Variants in MSR1 observed in about 807,000 individuals in gnomAD.
MSR1 encodes macrophage scavenger receptor 1.
A neutral mutation model predicts 47.2 loss-of-function variants in MSR1; 53 were observed. The observed-to-expected ratio is 1.12, with a 90% CI of 0.90 to 1.41. The LOEUF is 1.41. Among genes scored for constraint, MSR1 ranks in the 40% most tolerant of loss-of-function variants. MSR1 has a pLI of 0.00. For synonymous variants in MSR1, 239 were observed against 185.6 expected, an observed-to-expected ratio of 1.29 and a Z score of -2.34; for missense variants, 786 against 546.9, an observed-to-expected ratio of 1.44 and a Z score of -4.36.
At chr8:16,178,663 C>T (rs1801733399) in intron 1 of MSR1, among the ~76,000 whole-genome samples, 1 of 152,120 alleles carries the variant, frequency 6.6e-6, no homozygotes, top group Non-Finnish European at 1.5e-5. Flanking sequence ...AGTTCTAAAT[C>T]CCTGAGGAAT....
rs1476867655 is a variant in MSR1, at chr8:16,108,521, T to C, written c.*1564A>G. The C allele has an allele frequency of 6.6e-6, 1 of 152,096 alleles. No homozygotes were observed. Among genetic ancestry groups the C allele is most frequent in the Non-Finnish European group, 1.5e-5 (1 of 67,986 alleles). 9.4% of individuals were successfully genotyped at this position (152,096 alleles called of 1,614,324 possible). On this transcript the variant is annotated 3_prime_UTR_variant, in exon 10 of 10. Transcript: ENST00000262101. ...AATGATTCTTTCAGAAACCATTGTA[T>C]TTACCTTTTGAAGAAAATACCTAGA...
At chr8:16,139,040 T>G (rs1010491072) in intron 8 of MSR1, among the ~76,000 whole-genome samples, 2 of 152,192 alleles carry the variant, frequency 1.3e-5, no homozygotes, top group African/African-American at 4.8e-5. Context: ...CCCTCCGGCG[T>G]GCACTCTGTT....
chr8:16,156,681 T>G (rs1801019985), intron 5 of MSR1, among the ~76,000 whole-genome samples: 1 of 151,794 alleles, frequency 6.6e-6, no homozygotes, highest in Non-Finnish European at 1.5e-5. Flanking sequence ...ATCTTTACCA[T>G]TTCTTTCCTA....
In MSR1 at chr8:16,168,687, T is replaced by TACA. The variant is rs1801392196; in HGVS notation, c.400_401insTGT (p.Asn134delinsMetTyr). The TACA allele has an allele frequency of 1.2e-6, 2 of 1,614,058 alleles. No individual in the cohort carries two copies. The highest frequency in any genetic ancestry group is 1.7e-5 in the Admixed American group (1 of 60,006). ...TTGGAAATGCTCTGTGTCCATGAGG[T>TACA]TGGCTTCCATGTCTAAAATATGCTG... On this transcript the variant is annotated protein_altering_variant, in exon 4 of 10. Coordinates refer to ENST00000262101, the MANE Select transcript of MSR1 (RefSeq NM_138715.3).
chr8:16,119,761 G>A (rs931178254), intron 9 of MSR1, among the ~76,000 whole-genome samples: 1 of 151,918 alleles, frequency 6.6e-6, no homozygotes, highest in African/African-American at 2.4e-5. Flanking sequence ...AGGCTGGAGT[G>A]CAGCAGCGTG....
At chr8:16,140,544 G>C (rs187969899) in intron 8 of MSR1, 4 of 1,012,356 alleles carry the variant, frequency 4.0e-6, no homozygotes, top group African/African-American at 3.4e-5. Flanking sequence ...ATTTAGGACA[G>C]AGCCTCACAC....
At chr8:16,110,272 T>C (rs1415785290) in intron 9 of MSR1, 54 bp from the exon 10 acceptor site, 9 of 1,594,674 alleles carry the variant, frequency 5.6e-6, no homozygotes, top group African/African-American at 2.7e-5. Context: ...GTGTTTCTCT[T>C]TGAGTGGGGC....
chr8:16,184,431 C>T (rs1801934245), intron 1 of MSR1, among the ~76,000 whole-genome samples: 1 of 152,094 alleles, frequency 6.6e-6, no homozygotes, highest in Non-Finnish European at 1.5e-5. Context: ...TTTAAACAAA[C>T]AGACTATAAT....
At position 16,129,951 on chromosome 8, in the gene MSR1, G is replaced by C. The variant is rs561162290; in HGVS notation, c.1034-9345C>G. ...GTTGTTTCTTCAAAGGGCAGGAAAG[G>C]TACTTGGTACTCAGGCTATGGAGGA... On this transcript the variant is annotated intron_variant, in intron 8 of 9. Transcript: ENST00000262101. 1.2e-3 allele frequency among the ~76,000 whole-genome samples: 189 copies of C among 152,246 alleles called. 1 individual carries two copies. Among genetic ancestry groups the C allele is most frequent in the Non-Finnish European group, 2.4e-3 (162 of 68,002 alleles).
At chr8:16,150,003 T>G (rs768127834) in intron 7 of MSR1, among the ~76,000 whole-genome samples, 13 of 151,666 alleles carry the variant, frequency 8.6e-5, no homozygotes, top group African/African-American at 2.2e-4. Context: ...AAATCTGATT[T>G]CAGAAATCAT....
chr8:16,166,721 T>C (rs981306165), intron 4 of MSR1, among the ~76,000 whole-genome samples: 2 of 152,096 alleles, frequency 1.3e-5, no homozygotes, highest in African/African-American at 4.8e-5. Flanking sequence ...TTGGTGCCAA[T>C]GTTCTTCCTC....
intron 1 of MSR1, among the ~76,000 whole-genome samples, chr8:16,182,335 T>C (rs1178012467): frequency 1.3e-5 from 2 of 152,186 alleles, no homozygotes; most frequent in Non-Finnish European, 2.9e-5. Flanking sequence ...TGTGAAACAC[T>C]GTAGACTTTA....
intron 1 of MSR1, among the ~76,000 whole-genome samples, chr8:16,187,585 C>T (rs756718135): frequency 1.3e-5 from 2 of 151,900 alleles, no homozygotes; most frequent in South Asian, 4.1e-4. Flanking sequence ...GACTTTTGAT[C>T]TCTTTGGTTC....
intron 9 of MSR1, among the ~76,000 whole-genome samples, chr8:16,115,760 T>TCA (rs1262200620): frequency 1.3e-5 from 2 of 152,082 alleles, no homozygotes; most frequent in Admixed American, 1.3e-4. Flanking sequence ...GGAGGATTGC[T>TCA]TGAGGCTAGG....
chr8:16,154,318 G>A (rs549801755), intron 6 of MSR1, among the ~76,000 whole-genome samples: 1 of 151,934 alleles, frequency 6.6e-6, no homozygotes, highest in South Asian at 2.1e-4. Context: ...CAGGATATTT[G>A]ATTTCAAGCC....
At chr8:16,172,031 C>A (rs1801501406) in intron 3 of MSR1, among the ~76,000 whole-genome samples, 1 of 152,156 alleles carries the variant, frequency 6.6e-6, no homozygotes, top group East Asian at 1.9e-4. Flanking sequence ...ATGTGTGATT[C>A]AGGTACCTAT....
At chr8:16,188,798 G>C (rs1563174902) in intron 1 of MSR1, among the ~76,000 whole-genome samples, 1 of 151,830 alleles carries the variant, frequency 6.6e-6, no homozygotes, top group East Asian at 1.9e-4. Context: ...TGCTGAGAAT[G>C]ATGGTTTCCA....
chr8:16,181,809 A>G (rs1293695363), intron 1 of MSR1, among the ~76,000 whole-genome samples: 1 of 152,196 alleles, frequency 6.6e-6, no homozygotes, highest in African/African-American at 2.4e-5. Flanking sequence ...TTAAAAAAAA[A>G]AAAGAAAAAC....
chr8:16,138,562 T>A (rs1162675535), intron 8 of MSR1, among the ~76,000 whole-genome samples: 1 of 152,142 alleles, frequency 6.6e-6, no homozygotes, highest in Non-Finnish European at 1.5e-5. Context: ...ATATTTAGTC[T>A]AGGATGTCAG....
Sources: gnomAD v4.1 joint callset for allele counts (sites outside exome capture counted in the v4.1 genomes callset) on GRCh38, gnomAD v4.1.1 for gene constraint, MANE v1.5 for transcripts, NCBI Gene and HGNC (gene_info 2026-07-23, HGNC 2026-07-21) for gene names.